Variants in MAD1L1 observed in about 807,000 individuals in gnomAD.
The protein encoded by MAD1L1 is mitotic spindle assembly checkpoint protein MAD1.
MAD1L1 carries 95 observed loss-of-function variants against 96.9 expected under a neutral mutation model. That is an observed-to-expected ratio of 0.98 (90% confidence interval 0.83 to 1.16). The LOEUF is 1.16. Ranked by LOEUF, MAD1L1 falls within the 50% of genes most tolerant of loss-of-function variation. The pLI, the probability that MAD1L1 is intolerant of heterozygous loss-of-function variation, is 0.00. For missense variants in MAD1L1, 1,007 were observed against 954.4 expected (o/e 1.06, Z -0.73); for synonymous variants, 473 against 396.6 (o/e 1.19, Z -2.29).
chr7:1,869,413 A>G (rs1241701257), intron 18 of MAD1L1, among the ~76,000 whole-genome samples: 1 of 152,014 alleles, frequency 6.6e-6, no homozygotes, highest in African/African-American at 2.4e-5. Flanking sequence ...TAAACTCCCC[A>G]GGTTTCCTTA....
chr7:1,957,813 G>A, intron 15 of MAD1L1, 94 bp from the exon 16 acceptor site: 1 of 1,041,786 alleles, frequency 9.6e-7, no homozygotes, highest in South Asian at 1.3e-5. Flanking sequence ...AAGGTTAGGA[G>A]ACCCAGCTAT....
At chr7:2,065,075 G>A (rs1008083849) in intron 12 of MAD1L1, among the ~76,000 whole-genome samples, 2 of 152,226 alleles carry the variant, frequency 1.3e-5, no homozygotes, top group African/African-American at 4.8e-5. Flanking sequence ...GATTCTCAAG[G>A]GAGGACAGAG....
Position 2,220,961 on chromosome 7 carries a change from A to G in MAD1L1, c.472-1505T>C, listed in dbSNP as rs1260785859. 10 of 1,611,234 alleles carry G rather than the reference A, an allele frequency of 6.2e-6. No individual in the cohort carries two copies. In the East Asian group the frequency reaches 6.7e-5, roughly 11 times the overall value. On this transcript the variant is annotated intron_variant, in intron 5 of 18. Transcript: ENST00000265854. ...TCACCCGTGTTGTAGGGGACGCCGG[A>G]CAGTTGGCAAGGAAGAGGCGCATAA...
chr7:2,100,560 G>A (rs1786727565), intron 11 of MAD1L1, among the ~76,000 whole-genome samples: 1 of 152,246 alleles, frequency 6.6e-6, no homozygotes, highest in Non-Finnish European at 1.5e-5. Context: ...TGCACCATCT[G>A]CAGGCCTCCT....
chr7:2,177,772 GT>G (rs1046474187), intron 10 of MAD1L1, among the ~76,000 whole-genome samples: 47 of 152,280 alleles, frequency 3.1e-4, no homozygotes, highest in African/African-American at 1.1e-3. Context: ...GCTCGACTCT[GT>G]AAACGCCTGC....
At chr7:1,867,891 C>T (rs1306568615) in intron 18 of MAD1L1, among the ~76,000 whole-genome samples, 1 of 152,238 alleles carries the variant, frequency 6.6e-6, no homozygotes, top group Non-Finnish European at 1.5e-5. Flanking sequence ...AGTCCCTGCC[C>T]AGATGAGAGC....
At chr7:2,096,005 C>T (rs530594538) in intron 11 of MAD1L1, among the ~76,000 whole-genome samples, 2 of 152,324 alleles carry the variant, frequency 1.3e-5, no homozygotes, top group Admixed American at 6.5e-5. Context: ...GCCTCAGGGT[C>T]GTTAGAATCG....
At chr7:1,878,135 A>G (rs1039861213) in intron 18 of MAD1L1, among the ~76,000 whole-genome samples, 38 of 152,212 alleles carry the variant, frequency 2.5e-4, no homozygotes, top group Admixed American at 5.2e-4. Context: ...TGACTCAAAA[A>G]ACATCTGAGT....
At chr7:2,030,823 C>T (rs7792424) in intron 12 of MAD1L1, among the ~76,000 whole-genome samples, 1,984 of 152,356 alleles carry the variant, frequency 0.013, 32 homozygotes, top group African/African-American at 0.045. Context: ...CTGTCCTCCT[C>T]AGCCCCCAAC....
chr7:1,842,273 A>G (rs1783306994), intron 18 of MAD1L1, among the ~76,000 whole-genome samples: 2 of 152,124 alleles, frequency 1.3e-5, no homozygotes, highest in South Asian at 4.1e-4. Context: ...CTTTTCACAG[A>G]CACCCTTCCC....
intron 12 of MAD1L1, among the ~76,000 whole-genome samples, chr7:2,060,464 GATGTCGAGATATGCCAATATCGAGATA>G: frequency 6.6e-6 from 1 of 152,250 alleles, no homozygotes; most frequent in African/African-American, 2.4e-5. Context: ...AGATAACGCT[GATGTCGAGATATGCCAATATCGAGATA>G]ATGCCGAGAC....
At chr7:2,093,512 T>C (rs1451160397) in intron 11 of MAD1L1, among the ~76,000 whole-genome samples, 2 of 152,344 alleles carry the variant, frequency 1.3e-5, no homozygotes, top group Middle Eastern at 3.4e-3. Flanking sequence ...TTCTCAGCTT[T>C]GCTGTCTCCT....
chr7:2,060,684 G>A (rs1040966701), intron 12 of MAD1L1, among the ~76,000 whole-genome samples: 6 of 152,322 alleles, frequency 3.9e-5, no homozygotes, highest in East Asian at 3.9e-4. Flanking sequence ...AGGGGTCCCC[G>A]GGCCACGGCC....
At chr7:1,901,186 G>A (rs546955788) in intron 17 of MAD1L1, among the ~76,000 whole-genome samples, 95 of 152,336 alleles carry the variant, frequency 6.2e-4, no homozygotes, top group Non-Finnish European at 1.1e-3. Context: ...TCAAGCCAGC[G>A]TTCTGACCCC....
In MAD1L1 at chr7:2,054,327, C is replaced by T. The variant is rs1026320388; in HGVS notation, c.1218+14867G>A. Among the ~76,000 whole-genome samples the T allele has an allele frequency of 5.3e-5, 8 of 152,192 alleles. No individual in the cohort carries two copies. The South Asian group carries it at 6.2e-4, about 12-fold the overall frequency. ...GGCGGTCGGGCGCACGTGGAGGGCT[C>T]GGGCTGGTGGAGGCGGTCCACGCTC... On this transcript the variant is annotated intron_variant, in intron 12 of 18. Transcript: ENST00000265854.
chr7:2,096,985 C>T (rs994649333), intron 11 of MAD1L1, among the ~76,000 whole-genome samples: 8 of 152,174 alleles, frequency 5.3e-5, no homozygotes, highest in Non-Finnish European at 1.0e-4. Context: ...CACCCGGGGA[C>T]CCTGCCAGGC....
intron 18 of MAD1L1, among the ~76,000 whole-genome samples, chr7:1,822,943 G>C (rs181151892): frequency 6.6e-6 from 1 of 151,996 alleles, no homozygotes; most frequent in Non-Finnish European, 1.5e-5. Context: ...AGAGGAACTC[G>C]AAAGAGACCC....
Position 1,832,643 on chromosome 7 carries a change from G to T in MAD1L1, c.1999-16415C>A, listed in dbSNP as rs1252231994. Among the ~76,000 whole-genome samples the T allele has an allele frequency of 1.8e-4, 10 of 56,690 alleles. 1 individual carries two copies. Among genetic ancestry groups the T allele is most frequent in the Admixed American group, 1.2e-3 (7 of 5,786 alleles). The allele number at this position is 56,690 out of a possible 152,430, so 37.2% of individuals were successfully genotyped here. ...TTTTTTTTTTTTTGGCGGGGGGGGG[G>T]GGGGTGGGGATGGAGTCGTGCTCTG... On this transcript the variant is annotated intron_variant, in intron 18 of 18. Coordinates refer to ENST00000265854, the MANE Select transcript of MAD1L1 (RefSeq NM_001013836.2).
At chr7:2,004,685 G>A (rs1178854228) in intron 13 of MAD1L1, among the ~76,000 whole-genome samples, 5 of 152,226 alleles carry the variant, frequency 3.3e-5, no homozygotes, top group Non-Finnish European at 7.3e-5. Flanking sequence ...GGCGCCACGC[G>A]GGCAGGCTGC....
Sources: allele counts gnomAD v4.1 joint callset (sites outside exome capture counted in the v4.1 genomes callset), GRCh38; gene constraint gnomAD v4.1.1; transcripts MANE v1.5; gene names NCBI Gene and HGNC (gene_info 2026-07-23, HGNC 2026-07-21).